Variants in PCDHGB4 observed in about 807,000 individuals in gnomAD.
PCDHGB4 encodes the protein protocadherin gamma subfamily B, 4, also known as protocadherin gamma-B4.
A neutral mutation model predicts 60.5 loss-of-function variants in PCDHGB4; 38 were observed. The ratio of observed to expected loss-of-function variants is 0.63; its 90% CI spans 0.48 to 0.82. The LOEUF (loss-of-function observed/expected upper bound fraction) is 0.82. Ranked by LOEUF, PCDHGB4 falls within the 40% of genes least tolerant of loss-of-function variation. The probability of loss-of-function intolerance (pLI) is 0.00; values close to 1 mark genes in which losing one functional copy is unlikely to be tolerated. For missense variants in PCDHGB4, 1,109 were observed against 1,209.6 expected (o/e 0.92, Z 1.23); for synonymous variants, 456 against 509.7 (o/e 0.89, Z 1.42).
chr5:141,388,906 A>G lies in PCDHGB4; in HGVS notation c.1022A>G (p.Asn341Ser), dbSNP rs943139475. The change falls in exon 1 of 4, where the codon AAC becomes AGC. Residue 341 changes from asparagine (N) to serine (S), a missense_variant. Around this residue, in one of 2 missense-constraint regions of PCDHGB4, gnomAD observed 1,068 missense variants for 1,089.9 expected, o/e 0.98. Coordinates refer to ENST00000519479, the MANE Select transcript of PCDHGB4 (RefSeq NM_003736.4). ...GTAGAAGTCATAGATGAAAATGACAACGCCCCAGAAGTGATATTCCAGTCT... is the reference window on the plus strand; with the variant it reads ...GTAGAAGTCATAGATGAAAATGACAGCGCCCCAGAAGTGATATTCCAGTCT... ...VEVEVIDEND[N>S]APEVIFQSLP... 5 of 1,613,898 alleles carry G rather than the reference A, an allele frequency of 3.1e-6. No homozygotes were observed. Among genetic ancestry groups the G allele is most frequent in the African/African-American group, 2.7e-5 (2 of 74,934 alleles).
intron 1 of PCDHGB4, chr5:141,408,026 G>A (rs1484571389): frequency 2.8e-6 from 3 of 1,081,716 alleles, no homozygotes; most frequent in African/African-American, 3.2e-5. Context: ...ACAACAGAAA[G>A]AAGAAAACCA....
chr5:141,416,224 T>G (rs2096006627), intron 1 of PCDHGB4: 1 of 152,382 alleles, frequency 6.6e-6, no homozygotes, highest in Admixed American at 6.5e-5. Context: ...TATGCTTAGA[T>G]TTTTCCAGCC....
intron 1 of PCDHGB4, chr5:141,393,545 C>CCCGATTTA (rs1171677857): frequency 1.2e-6 from 2 of 1,613,858 alleles, no homozygotes; most frequent in African/African-American, 1.3e-5. Context: ...TTTTTCCTCA[C>CCCGATTTA]CCGATTTACC....
Position 141,389,457 on chromosome 5 carries a change from G to A in PCDHGB4, c.1573G>A (p.Ala525Thr). The stretch of plus-strand genomic sequence containing the variant: ...CGCCTTCGACCACGAGCAGCTGCGC[G>A]CCTTCGAACTCACACTGCAGGCCCG... ...QRAFDHEQLR[A>T]FELTLQARDQ... Residue 525 changes from alanine (A) to threonine (T), a missense_variant, in exon 1 of 4, where the codon GCC becomes ACC. Around this residue, in one of 2 missense-constraint regions of PCDHGB4, gnomAD observed 1,068 missense variants for 1,089.9 expected, o/e 0.98. Transcript: ENST00000519479. 1 of 1,613,220 alleles carries A rather than the reference G, an allele frequency of 6.2e-7. No homozygotes were observed. The highest frequency in any genetic ancestry group is 8.5e-7 in the Non-Finnish European group (1 of 1,179,862).
At position 141,486,364 on chromosome 5, in the gene PCDHGB4, C is replaced by T; in HGVS notation, c.2398-8443C>T. 1 of 1,614,068 alleles carries T rather than the reference C, an allele frequency of 6.2e-7. No homozygotes were observed. The highest frequency in any genetic ancestry group is 1.1e-5 in the South Asian group (1 of 91,074). On this transcript the variant is annotated intron_variant, in intron 1 of 3. Transcript: ENST00000519479. The surrounding 1 kb of genome is among the most constrained non-coding windows in gnomAD (Gnocchi z 5.0). ...TTCCTGACCACTTGCCATTTGCCCT[C>T]AAGTCTGCCTTCAGGAACCAGTTCT...
At chr5:141,488,042 G>T (rs2099670966) in intron 1 of PCDHGB4, among the ~76,000 whole-genome samples, 1 of 152,168 alleles carries the variant, frequency 6.6e-6, no homozygotes, top group Non-Finnish European at 1.5e-5. Context: ...TTTCCCAAGG[G>T]ATTGAGGGGA....
At chr5:141,443,448 T>C (rs1205977008) in intron 1 of PCDHGB4, among the ~76,000 whole-genome samples, 1 of 152,210 alleles carries the variant, frequency 6.6e-6, no homozygotes, top group African/African-American at 2.4e-5. Context: ...GTTGCGCTCC[T>C]GTACTCCAGT....
chr5:141,457,949 C>G (rs2098933653), intron 1 of PCDHGB4, among the ~76,000 whole-genome samples: 1 of 152,192 alleles, frequency 6.6e-6, no homozygotes. Flanking sequence ...CTCTGCATGT[C>G]AAGCTTGATT....
chr5:141,431,447 G>C lies in PCDHGB4; in HGVS notation c.2397+41166G>C. ...GCGCACAGGCACCGCGCGCATCCGC[G>C]TGATGGTTCTGGATGCGAACGACAA... is the stretch of plus-strand genomic sequence containing the variant. On this transcript the variant is annotated intron_variant, in intron 1 of 3. Coordinates refer to ENST00000519479, the MANE Select transcript of PCDHGB4 (RefSeq NM_003736.4). The surrounding 1 kb of genome is among the most constrained non-coding windows in gnomAD (Gnocchi z 4.8). The C allele has an allele frequency of 6.2e-7, 1 of 1,613,792 alleles. No individual in the cohort carries two copies. Among genetic ancestry groups the C allele is most frequent in the Non-Finnish European group, 8.5e-7 (1 of 1,180,014 alleles).
At chr5:141,473,102 C>T (rs1465515592) in intron 1 of PCDHGB4, among the ~76,000 whole-genome samples, 1 of 152,054 alleles carries the variant, frequency 6.6e-6, no homozygotes, top group Non-Finnish European at 1.5e-5. Flanking sequence ...AGTTGTATTA[C>T]CACACTTTAC....
At chr5:141,399,080 G>A (rs1385144710) in intron 1 of PCDHGB4, 2 of 1,613,696 alleles carry the variant, frequency 1.2e-6, no homozygotes, top group Non-Finnish European at 1.7e-6. Flanking sequence ...GTAGAAGGGA[G>A]GGATGGTGGT....
chr5:141,499,682 C>T, intron 2 of PCDHGB4, among the ~76,000 whole-genome samples: 1 of 148,196 alleles, frequency 6.7e-6, no homozygotes, highest in South Asian at 2.1e-4. Flanking sequence ...CCATCTTTAA[C>T]AGATGACTTT....
chr5:141,439,042 A>C (rs2098084096), intron 1 of PCDHGB4, among the ~76,000 whole-genome samples: 1 of 151,642 alleles, frequency 6.6e-6, no homozygotes, highest in Non-Finnish European at 1.5e-5. Context: ...TCAGTTCATA[A>C]GATTTCCATA....
chr5:141,412,183 C>A (rs1243084028), intron 1 of PCDHGB4: 1 of 152,188 alleles, frequency 6.6e-6, no homozygotes, highest in African/African-American at 2.4e-5. Context: ...GGTATTAATG[C>A]TCTGATGAAA....
chr5:141,491,742 C>T lies in PCDHGB4; in HGVS notation c.2398-3065C>T. On this transcript the variant is annotated intron_variant, in intron 1 of 3. Transcript: ENST00000519479. This position sits in a 1 kb window ranked among gnomAD's most constrained non-coding sequence, Gnocchi z 6.9. ...CGCCCCGGGCGACCCCTGGGGGCGG[C>T]ACTGGAGAAGCCGCCCGTCCTCATA... 6.3e-7 allele frequency: 1 copy of T among 1,596,114 alleles called. No individual in the cohort carries two copies. Among genetic ancestry groups the T allele is most frequent in the African/African-American group, 1.3e-5 (1 of 74,260 alleles).
chr5:141,490,344 AGTGGGGTTGTTTAAT>A lies in PCDHGB4; in HGVS notation c.2398-4459_2398-4445del. The A allele has an allele frequency of 6.2e-7, 1 of 1,614,178 alleles. No individual in the cohort carries two copies. The highest frequency in any genetic ancestry group is 8.5e-7 in the Non-Finnish European group (1 of 1,180,030). ...TAGAGAGCACACCAGTGGGCACAGT[AGTGGGGTTGTTTAAT>A]GTGCGAGACCGGGACTCAGGTAGAA... On this transcript the variant is annotated intron_variant, in intron 1 of 3. Coordinates refer to ENST00000519479, the MANE Select transcript of PCDHGB4 (RefSeq NM_003736.4). This position sits in a 1 kb window ranked among gnomAD's most constrained non-coding sequence, Gnocchi z 5.4.
chr5:141,478,415 C>T, intron 1 of PCDHGB4: 1 of 1,613,648 alleles, frequency 6.2e-7, no homozygotes, highest in Non-Finnish European at 8.5e-7. Flanking sequence ...CACGGACTCC[C>T]GCCGCAGCGA....
chr5:141,477,438 C>T lies in PCDHGB4; in HGVS notation c.2398-17369C>T, dbSNP rs1386997844. On this transcript the variant is annotated intron_variant, in intron 1 of 3. Transcript: ENST00000519479. This position sits in a 1 kb window ranked among gnomAD's most constrained non-coding sequence, Gnocchi z 4.9. ...GGAACCCCTTCCCTCTCAGCCCTTA[C>T]AATAGTGCGTGTTCAAGTGTCCGAC... 6.2e-7 allele frequency: 1 copy of T among 1,614,174 alleles called. No homozygotes were observed. The highest frequency in any genetic ancestry group is 8.5e-7 in the Non-Finnish European group (1 of 1,180,030).
At position 141,511,237 on chromosome 5, in the gene PCDHGB4, TG is replaced by T; in HGVS notation, c.*65del. 1 of 1,590,378 alleles carries T rather than the reference TG, an allele frequency of 6.3e-7. No individual in the cohort carries two copies. Among genetic ancestry groups the T allele is most frequent in the Non-Finnish European group, 8.6e-7 (1 of 1,168,304 alleles). On this transcript the variant is annotated 3_prime_UTR_variant, in exon 4 of 4. Transcript: ENST00000519479. ...CCAACCAGCCCAGCTTCTCCTTACC[TG>T]CACCCAGGCCTCAGAGTTTCAGGGC...
Sources: allele counts gnomAD v4.1 joint callset (sites outside exome capture counted in the v4.1 genomes callset), GRCh38; gene constraint gnomAD v4.1.1; regional missense constraint gnomAD v4.1.1; non-coding constraint Gnocchi (gnomAD v3.1); transcripts MANE v1.5; gene names NCBI Gene and HGNC (gene_info 2026-07-23, HGNC 2026-07-21).